NOTCH2: variants seen among roughly 807,000 people sequenced by gnomAD.
The protein encoded by NOTCH2 is notch receptor 2.
NOTCH2 carries 29 observed loss-of-function variants against 235.8 expected under a neutral mutation model. That is an observed-to-expected ratio of 0.12 (90% CI 0.09 to 0.17). The LOEUF is 0.17. Among genes scored for constraint, NOTCH2 ranks in the 10% least tolerant of loss-of-function variants. The pLI is 1.00. For missense variants in NOTCH2, 2,285 were observed against 3,150.2 expected (o/e 0.73, Z 6.57); for synonymous variants, 1,086 against 1,141.5 (o/e 0.95, Z 0.98).
At chr1:119,979,355 T>C (rs1651722657) in intron 5 of NOTCH2, among the ~76,000 whole-genome samples, 1 of 152,172 alleles carries the variant, frequency 6.6e-6, no homozygotes, top group Non-Finnish European at 1.5e-5. Context: ...CAGTGTTACT[T>C]ATGAAAAAGA....
intron 11 of NOTCH2, among the ~76,000 whole-genome samples, chr1:119,960,463 ATT>A (rs1650893154): frequency 2.0e-5 from 3 of 150,318 alleles, no homozygotes; most frequent in African/African-American, 7.3e-5. Context: ...TGTGAAATAT[ATT>A]TGTAATATAT....
chr1:120,069,120 G>A (rs782301689), intron 1 of NOTCH2: 2 of 1,524,596 alleles, frequency 1.3e-6, no homozygotes, highest in South Asian at 2.4e-5. Context: ...CGGGCCGCGG[G>A]GAGCAGAGGC....
chr1:120,033,926 A>T (rs1368810982), intron 1 of NOTCH2, among the ~76,000 whole-genome samples: 1 of 151,294 alleles, frequency 6.6e-6, no homozygotes, highest in Non-Finnish European at 1.5e-5. Flanking sequence ...CTAATTTTTA[A>T]AAAAGAAAAA....
At chr1:119,929,304 G>C (rs1649575992) in intron 22 of NOTCH2, 92 bp from the exon 23 acceptor site, 2 of 1,027,198 alleles carry the variant, frequency 1.9e-6, no homozygotes, top group Admixed American at 3.6e-5. Flanking sequence ...TTTTCACAAT[G>C]AATCAGAGTA....
At chr1:120,004,134 C>T (rs1443168393) in intron 3 of NOTCH2, among the ~76,000 whole-genome samples, 2 of 151,914 alleles carry the variant, frequency 1.3e-5, no homozygotes, top group East Asian at 1.9e-4. Flanking sequence ...AGAATAAAGG[C>T]AAGAAAACGT....
rs2101144114 is a variant in NOTCH2 at position 119,916,275 on chromosome 1, G to C, written c.6447C>G (p.Ser2149=). 1.2e-6 allele frequency: 2 copies of C among 1,614,166 alleles called. No individual in the cohort carries two copies. Among genetic ancestry groups the C allele is most frequent in the Middle Eastern group, 1.6e-4 (1 of 6,062 alleles). Residue 2149 remains serine (S), a synonymous_variant, in exon 34 of 34, where the codon TCC becomes TCG. Transcript: ENST00000256646. ...GAGGAGATTCTAGGGAATCAACAGG[G>C]GATAAAGTTACTGAACTCTCAGACA... ...VQLSESSVTL[S]PVDSLESPHT...
At chr1:119,946,465 G>A (rs587658208) in intron 17 of NOTCH2, among the ~76,000 whole-genome samples, 3 of 151,978 alleles carry the variant, frequency 2.0e-5, no homozygotes, top group South Asian at 2.1e-4. Context: ...ATGACCAAGT[G>A]GAATATAGCC....
chr1:120,014,365 C>T (rs1186534588), intron 2 of NOTCH2, among the ~76,000 whole-genome samples: 2 of 152,264 alleles, frequency 1.3e-5, no homozygotes, highest in Non-Finnish European at 2.9e-5. Context: ...AAGTTCGAGA[C>T]CTGCCTAGAC....
rs1553214382 is a variant in NOTCH2 at position 120,051,271 on chromosome 1, A to ACG, written c.73+18062_73+18063insCG. ...CACACACACACACACACACACACAC[A>ACG]CACGCACACACACACAGAGTTAAAT... On this transcript the variant is annotated intron_variant, in intron 1 of 33. Coordinates refer to ENST00000256646, the MANE Select transcript of NOTCH2 (RefSeq NM_024408.4). 8.7e-5 allele frequency among the ~76,000 whole-genome samples: 9 copies of ACG among 102,974 alleles called. 1 individual carries two copies. The South Asian group carries it at 1.7e-3, about 20-fold the overall frequency. The allele number at this position is 102,974 out of a possible 152,430, so 67.6% of individuals were successfully genotyped here.
rs1359085444 is a variant in NOTCH2, at chr1:119,926,596, G to C, written c.3908C>G (p.Thr1303Ser). Reference protein sequence around the residue: ...RSAFTGRHCETFVDVCPQMPC... With the variant: ...RSAFTGRHCESFVDVCPQMPC... ...CATCTGGGGACACACATCGACGAAG[G>C]TTTCACAGTGCCGGCCTCAGAAAAT... Residue 1303 changes from threonine to serine, a missense_variant, in exon 24 of 34, where the codon ACC becomes AGC. Physicochemically the swap from Thr to Ser is moderately conservative, Grantham distance 58. Transcript: ENST00000256646. The C allele has an allele frequency of 6.2e-7, 1 of 1,607,710 alleles. No homozygotes were observed. The highest frequency in any genetic ancestry group is 8.5e-7 in the Non-Finnish European group (1 of 1,176,452).
chr1:119,918,186 T>TCCAA (rs372872888), intron 32 of NOTCH2, among the ~76,000 whole-genome samples: 100 of 152,296 alleles, frequency 6.6e-4, no homozygotes, highest in African/African-American at 2.2e-3. Context: ...TGCTCTGAGG[T>TCCAA]CCAAGAACCC....
chr1:120,037,002 G>A (rs587707563), intron 1 of NOTCH2, among the ~76,000 whole-genome samples: 1 of 152,192 alleles, frequency 6.6e-6, no homozygotes, highest in East Asian at 1.9e-4. Flanking sequence ...TGTAATCTGA[G>A]CAGCCTTCAA....
At chr1:119,977,359 C>A (rs2101162810) in intron 5 of NOTCH2, among the ~76,000 whole-genome samples, 1 of 152,272 alleles carries the variant, frequency 6.6e-6, no homozygotes, top group South Asian at 2.1e-4. Context: ...AACTCTATCT[C>A]ATTTGTATCA....
chr1:119,920,589 C>T (rs587717489), intron 29 of NOTCH2, among the ~76,000 whole-genome samples, 192 bp from the exon 30 acceptor site: 171 of 152,302 alleles, frequency 1.1e-3, no homozygotes, highest in Non-Finnish European at 4.0e-4. Flanking sequence ...GCTTACCTTT[C>T]CTGCATCATC....
At chr1:120,043,200 T>C (rs2596087) in intron 1 of NOTCH2, among the ~76,000 whole-genome samples, 4,430 of 124,000 alleles carry the variant, frequency 0.036, 127 homozygotes, top group African/African-American at 0.079. Flanking sequence ...TCCACCCAAG[T>C]CTACAAAGCA....
intron 1 of NOTCH2, among the ~76,000 whole-genome samples, chr1:120,060,161 AC>A (rs1655260658): frequency 7.0e-6 from 1 of 142,090 alleles, no homozygotes; most frequent in Admixed American, 7.2e-5. Flanking sequence ...CATATTTAAG[AC>A]AAAAGACTAA....
chr1:119,950,079 C>G (rs1162837240), intron 15 of NOTCH2: 1 of 216,036 alleles, frequency 4.6e-6, no homozygotes, highest in Non-Finnish European at 9.4e-6. Context: ...GTCACACTCA[C>G]GTCTTCTCAG....
intron 22 of NOTCH2, chr1:119,935,216 T>A: frequency 7.3e-7 from 1 of 1,370,460 alleles, no homozygotes; most frequent in African/African-American, 1.5e-5. Context: ...TAATGTTGTA[T>A]CCCTTCCATA....
At chr1:119,948,685 C>T (rs1650348657) in intron 16 of NOTCH2, 119 bp from the exon 17 acceptor site, 2 of 1,226,430 alleles carry the variant, frequency 1.6e-6, no homozygotes, top group African/African-American at 1.5e-5. Context: ...ACTGGTTGGC[C>T]CCCTGCTTTA....
Sources: gnomAD v4.1 joint callset for allele counts (sites outside exome capture counted in the v4.1 genomes callset) on GRCh38, gnomAD v4.1.1 for gene constraint, MANE v1.5 for transcripts, NCBI Gene and HGNC (gene_info 2026-07-23, HGNC 2026-07-21) for gene names.